Variants in ANKFN1 observed in about 807,000 individuals in gnomAD.
The protein encoded by ANKFN1 is ankyrin repeat and fibronectin type-III domain-containing protein 1.
ANKFN1 carries 74 observed loss-of-function variants against 108.7 expected under a neutral mutation model. The ratio of observed to expected loss-of-function variants is 0.68; its 90% CI spans 0.56 to 0.83. The LOEUF (loss-of-function observed/expected upper bound fraction) is 0.83, where lower values mean the gene tolerates loss of function less well. Ranked by LOEUF, ANKFN1 falls within the 40% of genes least tolerant of loss-of-function variation. The pLI is 0.00. For missense variants in ANKFN1, 1,505 were observed against 1,382.3 expected (o/e 1.09, Z -1.41); for synonymous variants, 547 against 516.2 (o/e 1.06, Z -0.81).
chr17:56,309,377 T>C (rs2044940979), intron 3 of ANKFN1, among the ~76,000 whole-genome samples: 1 of 152,164 alleles, frequency 6.6e-6, no homozygotes, highest in Non-Finnish European at 1.5e-5. Flanking sequence ...TTTTAATATC[T>C]GTACAGTTGG....
chr17:56,186,693 C>G (rs1912242896), intron 1 of ANKFN1, among the ~76,000 whole-genome samples: 2 of 152,234 alleles, frequency 1.3e-5, no homozygotes, highest in South Asian at 4.1e-4. Context: ...GGATCACATA[C>G]AGCCTGATTC....
At chr17:56,282,390 G>A (rs1366097411) in intron 3 of ANKFN1, among the ~76,000 whole-genome samples, 2 of 151,870 alleles carry the variant, frequency 1.3e-5, no homozygotes, top group South Asian at 2.1e-4. Context: ...TGGGGTGTGG[G>A]TTACATAGGT....
chr17:56,235,916 T>G (rs530841063), intron 3 of ANKFN1, among the ~76,000 whole-genome samples: 3 of 152,340 alleles, frequency 2.0e-5, no homozygotes, highest in Admixed American at 2.0e-4. Context: ...TGGATAAAAA[T>G]AGCACTGAAT....
chr17:56,201,979 A>G (rs1914104588), intron 1 of ANKFN1, among the ~76,000 whole-genome samples: 1 of 152,224 alleles, frequency 6.6e-6, no homozygotes, highest in Non-Finnish European at 1.5e-5. Flanking sequence ...TGGGAGCCAG[A>G]GCACAGAGGA....
At chr17:56,379,020 G>A (rs1027667007) in intron 8 of ANKFN1, among the ~76,000 whole-genome samples, 4 of 152,112 alleles carry the variant, frequency 2.6e-5, no homozygotes, top group African/African-American at 9.7e-5. Flanking sequence ...GTCAAGAATA[G>A]CTTTTCTGAC....
At chr17:56,331,794 G>A (rs764050736) in intron 4 of ANKFN1, among the ~76,000 whole-genome samples, 2 of 152,016 alleles carry the variant, frequency 1.3e-5, no homozygotes, top group Non-Finnish European at 2.9e-5. Context: ...CAAAACTTAA[G>A]GTAAAGCCAA....
intron 3 of ANKFN1, among the ~76,000 whole-genome samples, chr17:56,266,795 A>G (rs2043664044): frequency 6.6e-6 from 1 of 152,226 alleles, no homozygotes; most frequent in Admixed American, 6.5e-5. Context: ...CATCACTAAA[A>G]AAACAAAAAT....
intron 1 of ANKFN1, among the ~76,000 whole-genome samples, chr17:56,198,483 A>T (rs1913724733): frequency 1.3e-5 from 2 of 152,064 alleles, no homozygotes; most frequent in Admixed American, 6.6e-5. Context: ...TTGCTCACCC[A>T]CTGCTCACCT....
At position 56,463,493 on chromosome 17, in the gene ANKFN1, T is replaced by G. The variant is rs376357027; in HGVS notation, c.1558-2863T>G. Reference sequence around the variant, plus strand: ...AAAATTTCCTAGGCCAGAGGAGAGATAAGTATCTCAGCATGTGGGAAAAAA... The same window carrying G: ...AAAATTTCCTAGGCCAGAGGAGAGAGAAGTATCTCAGCATGTGGGAAAAAA... On this transcript the variant is annotated intron_variant, in intron 14 of 20. Transcript: ENST00000682825. Among the ~76,000 whole-genome samples, 3 of 152,194 alleles carry G rather than the reference T, an allele frequency of 2.0e-5. No individual in the cohort carries two copies. In the South Asian group the frequency reaches 6.2e-4, roughly 32 times the overall value.
chr17:56,385,178 T>C (rs1270937540), intron 8 of ANKFN1, among the ~76,000 whole-genome samples: 1 of 151,992 alleles, frequency 6.6e-6, no homozygotes, highest in Non-Finnish European at 1.5e-5. Context: ...TATCTACAAC[T>C]ATCTGATCTT....
intron 4 of ANKFN1, among the ~76,000 whole-genome samples, chr17:56,078,918 G>A (rs1905213385): frequency 6.6e-6 from 1 of 152,142 alleles, no homozygotes; most frequent in Non-Finnish European, 1.5e-5. Flanking sequence ...AGGACACATA[G>A]CAAACAGCTC....
intron 1 of ANKFN1, among the ~76,000 whole-genome samples, chr17:56,188,333 A>G (rs1472030977): frequency 6.6e-6 from 1 of 151,768 alleles, no homozygotes; most frequent in Non-Finnish European, 1.5e-5. Flanking sequence ...TTGATTTTGA[A>G]AAAGGCAAGG....
intron 1 of ANKFN1, among the ~76,000 whole-genome samples, chr17:56,164,506 G>A (rs1271117408): frequency 6.6e-6 from 1 of 152,086 alleles, no homozygotes; most frequent in Non-Finnish European, 1.5e-5. Flanking sequence ...ACAGTAGCTG[G>A]CACATGATTA....
chr17:56,259,894 C>T (rs1446325046), intron 3 of ANKFN1, among the ~76,000 whole-genome samples: 1 of 147,488 alleles, frequency 6.8e-6, no homozygotes, highest in Non-Finnish European at 1.5e-5. Flanking sequence ...GTATCACTCC[C>T]CCACCCCACC....
intron 6 of ANKFN1, among the ~76,000 whole-genome samples, chr17:56,371,237 A>G (rs1461964448): frequency 6.6e-6 from 1 of 152,200 alleles, no homozygotes; most frequent in East Asian, 1.9e-4. Context: ...CACAGTCCTG[A>G]GTGTTCTAAA....
Position 56,171,140 on chromosome 17 carries a change from GA to G in ANKFN1, c.-71+17613del, listed in dbSNP as rs1910662755. Among the ~76,000 whole-genome samples the G allele has an allele frequency of 2.6e-5, 4 of 152,074 alleles. No individual in the cohort carries two copies. In the East Asian group the frequency reaches 7.8e-4, roughly 30 times the overall value. On this transcript the variant is annotated intron_variant, in intron 1 of 20. Transcript: ENST00000682825. The stretch of plus-strand genomic sequence containing the variant: ...ACTGGCGGGGAAATGCATAACATGG[GA>G]AATGGCCTCAGGGCTTCACTAGGAA...
chr17:56,363,317 T>A (rs2046574957), intron 6 of ANKFN1, among the ~76,000 whole-genome samples: 2 of 151,904 alleles, frequency 1.3e-5, no homozygotes, highest in African/African-American at 2.4e-5. Flanking sequence ...GGAAAAAAAA[T>A]GATCAGCACC....
chr17:56,141,658 C>T (rs1907922244), intron 4 of ANKFN1, among the ~76,000 whole-genome samples: 1 of 152,074 alleles, frequency 6.6e-6, no homozygotes, highest in Admixed American at 6.5e-5. Context: ...TTCGCAAAAA[C>T]TCATCAGGGT....
chr17:56,509,629 A>T (rs1161784301), intron 20 of ANKFN1, among the ~76,000 whole-genome samples: 1 of 152,230 alleles, frequency 6.6e-6, no homozygotes, highest in East Asian at 1.9e-4. Flanking sequence ...GTAACTAAAC[A>T]AACAATAATG....
Sources: gnomAD v4.1 joint callset for allele counts (sites outside exome capture counted in the v4.1 genomes callset) on GRCh38, gnomAD v4.1.1 for gene constraint, MANE v1.5 for transcripts, NCBI Gene and HGNC (gene_info 2026-07-23, HGNC 2026-07-21) for gene names.